The following ARMH1 variants were observed in gnomAD, a reference collection of about 807,000 sequenced individuals.
ARMH1 encodes the protein armadillo-like helical domain containing protein 1.
ARMH1 carries 34 observed loss-of-function variants against 50.2 expected under a neutral mutation model. That is an observed-to-expected ratio of 0.68 (90% confidence interval 0.51 to 0.90). The LOEUF is 0.90. Ranked by LOEUF, ARMH1 falls within the 40% of genes least tolerant of loss-of-function variation. ARMH1 has a pLI of 0.00. For missense variants in ARMH1, 538 were observed against 553.9 expected (o/e 0.97, Z 0.29); for synonymous variants, 221 against 224.2 (o/e 0.99, Z 0.13).
At position 44,724,926 on chromosome 1, in the gene ARMH1, C is replaced by G; in HGVS notation, c.1128+87C>G. 1.3e-6 allele frequency: 2 copies of G among 1,503,860 alleles called. No individual in the cohort carries two copies. The highest frequency in any genetic ancestry group is 1.8e-6 in the Non-Finnish European group (2 of 1,125,946). The allele number at this position is 1,503,860 out of a possible 1,614,324, so 93.2% of individuals were successfully genotyped here. A position where few individuals can be genotyped will look rare whatever the true frequency, so the allele number is the denominator to read the frequency against. ...CCTTCAGACAGTCCCCATCCTGGAG[C>G]GCGCCACATGCAGAGTGGACCTGGC... On this transcript the variant is annotated intron_variant, in intron 10 of 11. Transcript: ENST00000535358. The surrounding 1 kb of genome is among the most constrained non-coding windows in gnomAD (Gnocchi z 6.4).
chr1:44,721,812 A>T (rs571645127), intron 6 of ARMH1: 2 of 152,106 alleles, frequency 1.3e-5, no homozygotes, highest in African/African-American at 2.4e-5. Context: ...GACTTCAAAA[A>T]ATTTAACCAT....
At chr1:44,723,087 AAGGTAGCATTTATGC>A (rs1302033048) in intron 6 of ARMH1, among the ~76,000 whole-genome samples, 1 of 151,260 alleles carries the variant, frequency 6.6e-6, no homozygotes, top group Non-Finnish European at 1.5e-5. Context: ...AAAAAAAAAA[AAGGTAGCATTTATGC>A]TGGTGTGCCA....
chr1:44,697,117 A>T lies in ARMH1; in HGVS notation c.222A>T (p.Ser74=), dbSNP rs936653341. The change falls in exon 3 of 12, where the codon TCA becomes TCT. Residue 74 remains serine, a synonymous_variant. Transcript: ENST00000535358. ...TSLRITYMTD[S]CLEKLLRSIG... ...TGTCATACAGCTATATGACTGACTCATGTTTAGAAAAGCTTCTCAGGTCCA... is the reference window on the plus strand; with the variant it reads ...TGTCATACAGCTATATGACTGACTCTTGTTTAGAAAAGCTTCTCAGGTCCA... 1 of 1,551,894 alleles carries T rather than the reference A, an allele frequency of 6.4e-7. No homozygotes were observed. The highest frequency in any genetic ancestry group is 1.4e-5 in the African/African-American group (1 of 72,994).
intron 6 of ARMH1, chr1:44,721,689 ACTCCG>A (rs1304471860): frequency 6.6e-6 from 1 of 151,712 alleles, no homozygotes; most frequent in Non-Finnish European, 1.5e-5. Flanking sequence ...CGACCACACC[ACTCCG>A]CTACAACCTG....
intron 6 of ARMH1, among the ~76,000 whole-genome samples, chr1:44,720,024 G>A (rs1180902183): frequency 5.9e-5 from 9 of 151,916 alleles, no homozygotes; most frequent in Non-Finnish European, 1.2e-4. Flanking sequence ...GTGAAACCCC[G>A]TCTCTACTAA....
At chr1:44,702,484 T>C (rs1646127938) in intron 5 of ARMH1, among the ~76,000 whole-genome samples, 1 of 150,544 alleles carries the variant, frequency 6.6e-6, no homozygotes, top group African/African-American at 2.4e-5. Context: ...GAGGCCGAGG[T>C]GGGTGGATCA....
chr1:44,692,705 T>C (rs1645697445), intron 2 of ARMH1, among the ~76,000 whole-genome samples: 1 of 152,120 alleles, frequency 6.6e-6, no homozygotes, highest in Non-Finnish European at 1.5e-5. Flanking sequence ...ATGGAATACA[T>C]CTGTAGGTTT....
chr1:44,724,494 C>A lies in ARMH1; in HGVS notation c.921-45C>A. On this transcript the variant is annotated intron_variant, in intron 8 of 11. Coordinates refer to ENST00000535358, the MANE Select transcript of ARMH1 (RefSeq NM_001145636.2). The surrounding 1 kb of genome is among the most constrained non-coding windows in gnomAD (Gnocchi z 6.4). ...GCGCCGGGTGGGCGGGGGTGTGCGC[C>A]GGGTGAGCCCCAGGGCGTCGCCCCA... 2 of 1,510,472 alleles carry A rather than the reference C, an allele frequency of 1.3e-6. No homozygotes were observed. Among genetic ancestry groups the A allele is most frequent in the Non-Finnish European group, 1.8e-6 (2 of 1,132,978 alleles). 93.6% of individuals were successfully genotyped at this position (1,510,472 alleles called of 1,614,324 possible). A position where few individuals can be genotyped will look rare whatever the true frequency, so the allele number is the denominator to read the frequency against.
At chr1:44,709,495 A>AC in intron 6 of ARMH1, among the ~76,000 whole-genome samples, 1 of 151,938 alleles carries the variant, frequency 6.6e-6, no homozygotes, top group Non-Finnish European at 1.5e-5. Flanking sequence ...ACACGGTGAA[A>AC]CCCCATCTCT....
intron 6 of ARMH1, among the ~76,000 whole-genome samples, chr1:44,708,959 T>C (rs1203807640): frequency 3.3e-5 from 5 of 152,124 alleles, no homozygotes; most frequent in Non-Finnish European, 7.4e-5. Context: ...CTATCTTCCA[T>C]TGTTAAAAGA....
chr1:44,691,002 G>A (rs1645641510), intron 2 of ARMH1, among the ~76,000 whole-genome samples: 1 of 151,476 alleles, frequency 6.6e-6, no homozygotes. Context: ...ACTCACGCCT[G>A]TAATCCCAAC....
At chr1:44,715,407 T>C (rs1646811189) in intron 6 of ARMH1, among the ~76,000 whole-genome samples, 1 of 152,250 alleles carries the variant, frequency 6.6e-6, no homozygotes, top group Non-Finnish European at 1.5e-5. Context: ...TTTCTTCGTC[T>C]ATTCAATGAG....
intron 6 of ARMH1, among the ~76,000 whole-genome samples, chr1:44,713,656 G>C (rs1298265415): frequency 1.3e-5 from 2 of 152,084 alleles, no homozygotes; most frequent in Non-Finnish European, 2.9e-5. Flanking sequence ...TGAAAATCTT[G>C]GGGGGAAATC....
At chr1:44,686,615 G>T (rs1645478687) in intron 1 of ARMH1, among the ~76,000 whole-genome samples, 1 of 152,188 alleles carries the variant, frequency 6.6e-6, no homozygotes, top group African/African-American at 2.4e-5. Context: ...GGCAGAGGCT[G>T]CAGTGAGCCA....
At position 44,724,118 on chromosome 1, in the gene ARMH1, G is replaced by A. The variant is rs780718462; in HGVS notation, c.725-4G>A. ...CTCTCTCCAGCACCTCTGCCCTTCC[G>A]CAGCCATCGAGTTGATCAAAGACCT... is the stretch of plus-strand genomic sequence containing the variant. On this transcript the variant is annotated splice_polypyrimidine_tract_variant and splice_region_variant and intron_variant, in intron 6 of 11. Coordinates refer to ENST00000535358, the MANE Select transcript of ARMH1 (RefSeq NM_001145636.2). This position sits in a 1 kb window ranked among gnomAD's most constrained non-coding sequence, Gnocchi z 6.4. The A allele has an allele frequency of 1.9e-6, 3 of 1,551,216 alleles. No individual in the cohort carries two copies. The highest frequency in any genetic ancestry group is 2.6e-6 in the Non-Finnish European group (3 of 1,146,698).
intron 1 of ARMH1, among the ~76,000 whole-genome samples, chr1:44,675,521 G>C (rs1645107385): frequency 6.6e-6 from 1 of 152,046 alleles, no homozygotes; most frequent in African/African-American, 2.4e-5. Context: ...AAATTAGCCA[G>C]GCATGGTAGC....
intron 6 of ARMH1, among the ~76,000 whole-genome samples, chr1:44,717,327 G>GTT (rs1646895574): frequency 6.6e-6 from 1 of 152,216 alleles, no homozygotes; most frequent in African/African-American, 2.4e-5. Flanking sequence ...TCTGATGCAT[G>GTT]ACCCAGCATC....
At chr1:44,696,600 T>C (rs1645835584) in intron 2 of ARMH1, among the ~76,000 whole-genome samples, 1 of 152,238 alleles carries the variant, frequency 6.6e-6, no homozygotes, top group African/African-American at 2.4e-5. Flanking sequence ...CACCATCTCC[T>C]ATTATTCTTA....
chr1:44,707,016 A>G (rs1214213425), intron 6 of ARMH1, among the ~76,000 whole-genome samples: 1 of 151,990 alleles, frequency 6.6e-6, no homozygotes, highest in Non-Finnish European at 1.5e-5. Flanking sequence ...TGACTCCCTA[A>G]GCCCTTCCCT....
Sources: allele counts gnomAD v4.1 joint callset (sites outside exome capture counted in the v4.1 genomes callset), GRCh38; gene constraint gnomAD v4.1.1; non-coding constraint Gnocchi (gnomAD v3.1); transcripts MANE v1.5; gene names NCBI Gene and HGNC (gene_info 2026-07-23, HGNC 2026-07-21).